DNAH9: variants seen among roughly 807,000 people sequenced by gnomAD.
DNAH9 encodes the protein dynein axonemal heavy chain 9, also known as DNAH9 variant protein.
In DNAH9, 345 loss-of-function variants were observed where a neutral mutation model predicts 471.6. That is an observed-to-expected ratio of 0.73 (90% CI 0.67 to 0.80). The LOEUF is 0.80. Ranked by LOEUF, DNAH9 falls within the 30% of genes least tolerant of loss-of-function variation. DNAH9 has a pLI of 0.00. For synonymous variants in DNAH9, 2,093 were observed against 2,123.6 expected, an observed-to-expected ratio of 0.99 and a Z score of 0.40; for missense variants, 5,407 against 5,609.2, an observed-to-expected ratio of 0.96 and a Z score of 1.15.
chr17:11,852,814 G>GTATA lies in DNAH9; in HGVS notation c.9508-1145_9508-1142dup, dbSNP rs58555259. ...TATATATAAGAAAGTGTGTGTGTGT[G>GTATA]TATATATATATATATATATATATAT... On this transcript the variant is annotated intron_variant, in intron 49 of 68. Transcript: ENST00000262442. Among the ~76,000 whole-genome samples, 52 of 92,640 alleles carry GTATA rather than the reference G, an allele frequency of 5.6e-4. 1 individual carries two copies. The highest frequency in any genetic ancestry group is 2.3e-3 in the East Asian group (6 of 2,614). 60.8% of individuals were successfully genotyped at this position (92,640 alleles called of 152,430 possible). A position where few individuals can be genotyped will look rare whatever the true frequency, so the allele number is the denominator to read the frequency against.
At chr17:11,767,483 G>A (rs1248958736) in intron 36 of DNAH9, among the ~76,000 whole-genome samples, 2 of 152,184 alleles carry the variant, frequency 1.3e-5, no homozygotes, top group African/African-American at 2.4e-5. Flanking sequence ...AATGAGGAGT[G>A]CCCTTTTTTC....
chr17:11,701,883 T>C (rs1407280023), intron 24 of DNAH9, among the ~76,000 whole-genome samples: 1 of 152,144 alleles, frequency 6.6e-6, no homozygotes, highest in Non-Finnish European at 1.5e-5. Context: ...GGTTTCACCA[T>C]GCTGGCCAGG....
chr17:11,822,973 T>C lies in DNAH9; in HGVS notation c.9185T>C (p.Leu3062Pro), dbSNP rs1467639685. The change falls in exon 48 of 69, where the codon CTC (leucine) becomes CCC (proline). Residue 3062 changes from leucine to proline, a missense_variant. This residue lies in a region of DNAH9 where 4,636 missense variants were observed against 4,900.3 expected (regional missense o/e 0.95). Coordinates refer to ENST00000262442, the MANE Select transcript of DNAH9 (RefSeq NM_001372.4). Reference protein sequence around the residue: ...QSLLHRHRKELKCKTERLENG... With the variant: ...QSLLHRHRKEPKCKTERLENG... ...TTGTTGCACAGGCACAGAAAAGAGC[T>C]CAAGTGCAAGACAGAGCGGTTGGAG... 5.0e-6 allele frequency: 8 copies of C among 1,614,094 alleles called. No individual in the cohort carries two copies. Among genetic ancestry groups the C allele is most frequent in the Non-Finnish European group, 5.9e-6 (7 of 1,180,018 alleles).
intron 68 of DNAH9, among the ~76,000 whole-genome samples, chr17:11,964,560 C>T (rs530264319): frequency 7.2e-5 from 11 of 152,292 alleles, no homozygotes; most frequent in African/African-American, 2.6e-4. Context: ...TCCTCTCCTC[C>T]ATAAAACAAT....
chr17:11,635,826 G>A (rs1443271775), intron 8 of DNAH9, among the ~76,000 whole-genome samples: 2 of 152,244 alleles, frequency 1.3e-5, no homozygotes, highest in Non-Finnish European at 1.5e-5. Flanking sequence ...TTCAGAGAAA[G>A]GTCAGCATCA....
intron 49 of DNAH9, among the ~76,000 whole-genome samples, chr17:11,851,441 G>C: frequency 6.6e-6 from 1 of 152,126 alleles, no homozygotes; most frequent in Non-Finnish European, 1.5e-5. Context: ...GGTGGATGCA[G>C]AGGTATCAGC....
Position 11,679,954 on chromosome 17 carries a change from C to T in DNAH9, c.3551C>T (p.Pro1184Leu), listed in dbSNP as rs749839379. Residue 1184 changes from proline (P) to leucine (L), a missense_variant, in exon 18 of 69, where the codon CCA becomes CTA. Pro to Leu is a moderately conservative substitution (Grantham distance 98). Coordinates refer to ENST00000262442, the MANE Select transcript of DNAH9 (RefSeq NM_001372.4). ...ELLKTYEQEL[P>L]ETVFKQLEEL... ...CTGAAGACCTATGAACAAGAATTGC[C>T]AGAAACAGTGTTTAAGCAGCTGGAG... The T allele has an allele frequency of 1.2e-6, 2 of 1,613,888 alleles. No homozygotes were observed. The highest frequency in any genetic ancestry group is 1.7e-5 in the Admixed American group (1 of 60,020).
At chr17:11,942,562 C>T (rs1294777989) in intron 67 of DNAH9, 77 bp downstream of exon 67, 1 of 1,448,008 alleles carries the variant, frequency 6.9e-7, no homozygotes, top group Middle Eastern at 2.6e-4. Flanking sequence ...AGAAGGAGCA[C>T]TGGGGGACCT....
intron 45 of DNAH9, among the ~76,000 whole-genome samples, chr17:11,812,746 A>G (rs1969971287): frequency 6.6e-6 from 1 of 152,106 alleles, no homozygotes; most frequent in African/African-American, 2.4e-5. Flanking sequence ...ACCAACTCTT[A>G]CACCTTTTCT....
chr17:11,664,272 GGAGAGA>G (rs529645630), intron 14 of DNAH9, among the ~76,000 whole-genome samples: 6 of 150,364 alleles, frequency 4.0e-5, no homozygotes, highest in South Asian at 2.1e-4. Flanking sequence ...AGGAAGGAGG[GGAGAGA>G]GAGAGAGAGA....
At chr17:11,722,722 G>A (rs1725454379) in intron 27 of DNAH9, among the ~76,000 whole-genome samples, 1 of 152,060 alleles carries the variant, frequency 6.6e-6, no homozygotes, top group South Asian at 2.1e-4. Flanking sequence ...TTGAAGCAAA[G>A]GTAAAGTTAT....
intron 50 of DNAH9, among the ~76,000 whole-genome samples, chr17:11,857,462 G>A (rs1971666343): frequency 6.6e-6 from 1 of 152,096 alleles, no homozygotes; most frequent in African/African-American, 2.4e-5. Flanking sequence ...CAGGGCAAGA[G>A]GATTCCTATA....
chr17:11,780,861 C>T, intron 38 of DNAH9, 148 bp from the exon 39 acceptor site: 1 of 788,778 alleles, frequency 1.3e-6, no homozygotes, highest in Non-Finnish European at 2.0e-6. Context: ...TTGGGAGCAG[C>T]AGTAGCTGTT....
chr17:11,888,219 C>T (rs190993381), intron 57 of DNAH9, among the ~76,000 whole-genome samples: 1 of 152,096 alleles, frequency 6.6e-6, no homozygotes, highest in Admixed American at 6.5e-5. Context: ...CTCCGGACTT[C>T]GTGATCCGCC....
At chr17:11,924,071 C>T in intron 62 of DNAH9, 130 bp downstream of exon 62, 1 of 1,316,454 alleles carries the variant, frequency 7.6e-7, no homozygotes, top group Admixed American at 2.3e-5. Flanking sequence ...TTCATTTCTT[C>T]ATCTTCTCTC....
rs149856441 is a variant in DNAH9, at chr17:11,746,645, G to A, written c.6400-911G>A. On this transcript the variant is annotated intron_variant, in intron 31 of 68. Transcript: ENST00000262442. ...CACATGGGGATTCGAGATGAGATTT[G>A]GGTAGGGACACAAAGCCAAACCATA... Among the ~76,000 whole-genome samples, 5 of 152,224 alleles carry A rather than the reference G, an allele frequency of 3.3e-5. No homozygotes were observed. In the East Asian group the frequency reaches 9.7e-4, roughly 29 times the overall value.
At chr17:11,878,026 G>A (rs540183076) in intron 53 of DNAH9, among the ~76,000 whole-genome samples, 1 of 152,174 alleles carries the variant, frequency 6.6e-6, no homozygotes, top group Admixed American at 6.5e-5. Context: ...GAACCACCGC[G>A]CCCGGCCAAT....
chr17:11,807,551 C>A (rs1969734377), intron 43 of DNAH9, among the ~76,000 whole-genome samples, 181 bp from the exon 44 acceptor site: 1 of 152,176 alleles, frequency 6.6e-6, no homozygotes, highest in Non-Finnish European at 1.5e-5. Context: ...GCAATGGCAG[C>A]TTCAGTCAGC....
intron 67 of DNAH9, among the ~76,000 whole-genome samples, chr17:11,960,840 G>T (rs1044562011): frequency 1.3e-5 from 2 of 152,154 alleles, no homozygotes; most frequent in African/African-American, 4.8e-5. Context: ...CCACAGGCCA[G>T]GAGACTCCAG....
Sources: gnomAD v4.1 joint callset for allele counts (sites outside exome capture counted in the v4.1 genomes callset) on GRCh38, gnomAD v4.1.1 for gene constraint, gnomAD v4.1.1 regional missense constraint, MANE v1.5 for transcripts, NCBI Gene and HGNC (gene_info 2026-07-23, HGNC 2026-07-21) for gene names.